MAP3K9: variants seen among roughly 807,000 people sequenced by gnomAD.
MAP3K9 encodes mitogen-activated protein kinase kinase kinase 9.
MAP3K9 carries 46 observed loss-of-function variants against 95.8 expected under a neutral mutation model. The observed-to-expected ratio is 0.48, with a 90% CI of 0.38 to 0.61. The LOEUF is 0.61. Among genes scored for constraint, MAP3K9 ranks in the 20% least tolerant of loss-of-function variants. MAP3K9 has a pLI of 0.00. For missense variants in MAP3K9, 1,296 were observed against 1,474.3 expected (o/e 0.88, Z 1.98); for synonymous variants, 533 against 593.8 (o/e 0.90, Z 1.49).
chr14:70,785,827 C>T (rs1047710739), intron 2 of MAP3K9, among the ~76,000 whole-genome samples: 12 of 152,126 alleles, frequency 7.9e-5, no homozygotes, highest in Non-Finnish European at 2.9e-5. Flanking sequence ...GACTTCATTG[C>T]GCTACTCAGA....
In MAP3K9 at chr14:70,732,914, C is replaced by T. The variant is rs2053929808; in HGVS notation, c.2455G>A (p.Glu819Lys). 2 of 1,613,966 alleles carry T rather than the reference C, an allele frequency of 1.2e-6. No homozygotes were observed. Among genetic ancestry groups the T allele is most frequent in the East Asian group, 2.2e-5 (1 of 44,874 alleles). ...TCTCCTAGCAACAGCATGGGCTCCT[C>T]CTTCTTGAAAAGCTTTCGGGATGGG... The part of the protein sequence containing the change: ...SPPSRKLFKK[E>K]EPMLLLGDPS... Residue 819 changes from glutamate (E) to lysine (K), a missense_variant, in exon 11 of 12, where the codon GAG becomes AAG. Physicochemically the swap from Glu to Lys is moderately conservative, Grantham distance 56. Transcript: ENST00000554752.
rs934533436 is a variant in MAP3K9 at position 70,772,604 on chromosome 14, T to C, written c.821-11422A>G. 7.9e-5 allele frequency among the ~76,000 whole-genome samples: 12 copies of C among 152,318 alleles called. No individual in the cohort carries two copies. The East Asian group carries it at 2.3e-3, about 29-fold the overall frequency. On this transcript the variant is annotated intron_variant, in intron 2 of 11. Coordinates refer to ENST00000554752, the MANE Select transcript of MAP3K9 (RefSeq NM_001284230.2). Reference sequence around the variant, plus strand: ...GCTACCTGTTCCAGGGCTGGCCATATTGGAGTCCCCTGAGAAGCTACAGTA... The same window carrying C: ...GCTACCTGTTCCAGGGCTGGCCATACTGGAGTCCCCTGAGAAGCTACAGTA...
chr14:70,774,813 C>G (rs997298867), intron 2 of MAP3K9, among the ~76,000 whole-genome samples: 2 of 151,704 alleles, frequency 1.3e-5, no homozygotes, highest in African/African-American at 4.8e-5. Flanking sequence ...GGTGAAACCC[C>G]ATCTCTACTA....
At chr14:70,733,937 C>CAA in intron 10 of MAP3K9, 1 of 654,274 alleles carries the variant, frequency 1.5e-6, no homozygotes, top group South Asian at 1.8e-5. Context: ...TTTGGACTCT[C>CAA]AGACTTGTAA....
chr14:70,776,213 A>G (rs2054596431), intron 2 of MAP3K9, among the ~76,000 whole-genome samples: 1 of 151,902 alleles, frequency 6.6e-6, no homozygotes, highest in East Asian at 1.9e-4. Flanking sequence ...AATAAAATAA[A>G]TATTTGGGAA....
intron 9 of MAP3K9, 119 bp from the exon 10 acceptor site, chr14:70,734,617 G>T (rs1198061769): frequency 1.5e-6 from 1 of 655,410 alleles, no homozygotes; most frequent in African/African-American, 1.8e-5. Flanking sequence ...AAGAACCTTG[G>T]AGTACATACA....
At chr14:70,794,995 T>C (rs1408556310) in intron 2 of MAP3K9, among the ~76,000 whole-genome samples, 6 of 131,312 alleles carry the variant, frequency 4.6e-5, no homozygotes, top group Admixed American at 1.5e-4. Flanking sequence ...TTTTCCTTTT[T>C]TTTTTTTTTT....
intron 2 of MAP3K9, among the ~76,000 whole-genome samples, chr14:70,791,366 C>T (rs2054805241): frequency 6.6e-6 from 1 of 152,202 alleles, no homozygotes; most frequent in South Asian, 2.1e-4. Context: ...GCCTGGTGTC[C>T]TGAGCTACTT....
chr14:70,765,539 T>G (rs2054438526), intron 2 of MAP3K9: 1 of 643,296 alleles, frequency 1.6e-6, no homozygotes, highest in Non-Finnish European at 2.8e-6. Flanking sequence ...ACTGTACCTT[T>G]TCTACGTATA....
intron 3 of MAP3K9, among the ~76,000 whole-genome samples, chr14:70,759,855 A>G (rs1237092835): frequency 6.6e-6 from 1 of 152,154 alleles, no homozygotes; most frequent in Non-Finnish European, 1.5e-5. Context: ...CTCAGGCTCA[A>G]GTAATCCTCC....
At chr14:70,753,320 G>A (rs4902847) in intron 3 of MAP3K9, among the ~76,000 whole-genome samples, 79,386 of 152,032 alleles carry the variant, frequency 0.52, 20,808 homozygotes, top group South Asian at 0.63. Context: ...GTTGGTGAGA[G>A]CTTTGCTGAG....
At chr14:70,759,202 C>T (rs1468447057) in intron 3 of MAP3K9, among the ~76,000 whole-genome samples, 1 of 152,046 alleles carries the variant, frequency 6.6e-6, no homozygotes. Flanking sequence ...GATCCCAGCC[C>T]CTTAAGAGGC....
intron 2 of MAP3K9, among the ~76,000 whole-genome samples, chr14:70,791,807 G>C (rs964738238): frequency 6.6e-6 from 1 of 152,194 alleles, no homozygotes; most frequent in Non-Finnish European, 1.5e-5. Context: ...TTTTGATCAA[G>C]GTCTTTCCCC....
At chr14:70,782,402 A>G (rs188368537) in intron 2 of MAP3K9, among the ~76,000 whole-genome samples, 1 of 152,160 alleles carries the variant, frequency 6.6e-6, no homozygotes, top group African/African-American at 2.4e-5. Context: ...CCTGCACTTC[A>G]CCCCAGGCAT....
At chr14:70,782,274 C>T (rs1457400575) in intron 2 of MAP3K9, among the ~76,000 whole-genome samples, 1 of 152,190 alleles carries the variant, frequency 6.6e-6, no homozygotes, top group Non-Finnish European at 1.5e-5. Context: ...GTATTTCTTA[C>T]AGCATGTATG....
At chr14:70,763,577 C>G (rs1274469740) in intron 2 of MAP3K9, among the ~76,000 whole-genome samples, 1 of 151,452 alleles carries the variant, frequency 6.6e-6, no homozygotes, top group Non-Finnish European at 1.5e-5. Flanking sequence ...GTCATTCAGG[C>G]TGGTGTGCAG....
chr14:70,734,565 G>C, intron 9 of MAP3K9, 67 bp from the exon 10 acceptor site: 4 of 869,748 alleles, frequency 4.6e-6, no homozygotes, highest in Non-Finnish European at 7.5e-6. Flanking sequence ...TCAGCTCCAT[G>C]GGTCTATGGA....
intron 2 of MAP3K9, among the ~76,000 whole-genome samples, chr14:70,791,370 G>A (rs896320085): frequency 6.6e-6 from 1 of 152,202 alleles, no homozygotes; most frequent in Non-Finnish European, 1.5e-5. Flanking sequence ...GGTGTCCTGA[G>A]CTACTTGCTG....
At chr14:70,803,605 G>C (rs983117230) in intron 1 of MAP3K9, among the ~76,000 whole-genome samples, 42 of 152,106 alleles carry the variant, frequency 2.8e-4, no homozygotes, top group Admixed American at 3.3e-4. Flanking sequence ...TCCCATCTGA[G>C]GTTAGCCCAT....
Sources: gnomAD v4.1 joint callset for allele counts (sites outside exome capture counted in the v4.1 genomes callset) on GRCh38, gnomAD v4.1.1 for gene constraint, MANE v1.5 for transcripts, NCBI Gene and HGNC (gene_info 2026-07-23, HGNC 2026-07-21) for gene names.